Variants in PDE12 observed in about 807,000 individuals in gnomAD.
PDE12 encodes phosphodiesterase 12, also known as 2',5'-phosphodiesterase 12.
In PDE12, 26 loss-of-function variants were observed where a neutral mutation model predicts 45.4. The observed-to-expected ratio is 0.57, with a 90% CI of 0.42 to 0.79. PDE12 has a LOEUF of 0.79. PDE12 is among the 30% of genes least tolerant of loss of function. The pLI is 0.00. For synonymous variants in PDE12, 283 were observed against 323.9 expected, an observed-to-expected ratio of 0.87 and a Z score of 1.36; for missense variants, 668 against 790.0, an observed-to-expected ratio of 0.85 and a Z score of 1.85.
the PDE12 span, among the ~76,000 whole-genome samples, chr3:57,580,501 A>G: frequency 7.9e-5 from 12 of 152,178 alleles, no homozygotes; most frequent in Non-Finnish European, 1.8e-4. Context: ...TCCTGTGCTC[A>G]GGTGATCCTC....
chr3:57,641,359 T>C, the PDE12 span, among the ~76,000 whole-genome samples: 9 of 145,416 alleles, frequency 6.2e-5, no homozygotes, highest in African/African-American at 2.2e-4. Context: ...ATATATTTAA[T>C]ATATATAAAG....
the PDE12 span, chr3:57,572,142 A>C: frequency 1.6e-6 from 2 of 1,235,990 alleles, no homozygotes; most frequent in East Asian, 4.6e-5. Flanking sequence ...CCAAGATACA[A>C]ACTAATTTTG....
At chr3:57,609,413 CAAAA>C in the PDE12 span, among the ~76,000 whole-genome samples, 1 of 151,726 alleles carries the variant, frequency 6.6e-6, no homozygotes, top group Non-Finnish European at 1.5e-5. Context: ...GATACAGACA[CAAAA>C]AAATCCTTCA....
At chr3:57,632,546 C>T in the PDE12 span, among the ~76,000 whole-genome samples, 1 of 152,152 alleles carries the variant, frequency 6.6e-6, no homozygotes. Flanking sequence ...GAATAAATAA[C>T]TTGACACCCA....
chr3:57,583,485 C>T, the PDE12 span, among the ~76,000 whole-genome samples: 8 of 152,182 alleles, frequency 5.3e-5, no homozygotes, highest in Middle Eastern at 6.8e-3. Flanking sequence ...ATCAATGCAG[C>T]GAACTGACTT....
chr3:57,580,771 A>AT, the PDE12 span, among the ~76,000 whole-genome samples: 1 of 143,072 alleles, frequency 7.0e-6, no homozygotes, highest in African/African-American at 2.5e-5. Flanking sequence ...TCCCATTTTT[A>AT]TTCTTTTTTT....
At chr3:57,590,696 T>G in the PDE12 span, among the ~76,000 whole-genome samples, 1 of 152,174 alleles carries the variant, frequency 6.6e-6, no homozygotes, top group Non-Finnish European at 1.5e-5. Context: ...ATTTGTTTTT[T>G]GAGACAGGGT....
the PDE12 span, among the ~76,000 whole-genome samples, chr3:57,608,459 C>A: frequency 6.6e-6 from 1 of 151,976 alleles, no homozygotes; most frequent in Non-Finnish European, 1.5e-5. Context: ...GATAAAGAGT[C>A]AAGACCCATC....
the PDE12 span, among the ~76,000 whole-genome samples, chr3:57,593,356 T>TA: frequency 6.6e-6 from 1 of 152,118 alleles, no homozygotes; most frequent in Non-Finnish European, 1.5e-5. Context: ...AGGAAAAACA[T>TA]AAAAAAATTA....
the PDE12 span, among the ~76,000 whole-genome samples, chr3:57,653,588 T>TA: frequency 1.2e-4 from 18 of 151,246 alleles, no homozygotes; most frequent in Non-Finnish European, 2.4e-4. Context: ...CTACTAAAAA[T>TA]AAAAAAAATT....
At chr3:57,625,815 TGAA>T in the PDE12 span, 2 of 152,618 alleles carry the variant, frequency 1.3e-5, no homozygotes, top group Admixed American at 6.5e-5. Context: ...ACAGTAAAAA[TGAA>T]GACACCATTA....
the PDE12 span, chr3:57,628,174 T>G: frequency 6.3e-7 from 1 of 1,596,054 alleles, no homozygotes; most frequent in Non-Finnish European, 8.5e-7. Context: ...GTATGCTTCA[T>G]GATGCATAAT....
Position 57,559,323 on chromosome 3 carries a change from A to G in PDE12, c.1322A>G (p.Gln441Arg). ...RSSVLQVSVLQSTKDSSKRIC... is the reference protein window; with the variant it reads ...RSSVLQVSVLRSTKDSSKRIC... ...CGTTTATTTTAGGTTTCAGTTCTTCAGTCTACAAAGGACTCTTCTAAAAGG... is the reference window on the plus strand; with the variant it reads ...CGTTTATTTTAGGTTTCAGTTCTTCGGTCTACAAAGGACTCTTCTAAAAGG... The change falls in exon 2 of 3, where the codon CAG becomes CGG. Residue 441 changes from glutamine to arginine, a missense_variant. This residue lies in a region of PDE12 where 580 missense variants were observed against 662.9 expected (regional missense o/e 0.87). Transcript: ENST00000311180. 6.2e-7 allele frequency: 1 copy of G among 1,609,314 alleles called. No homozygotes were observed. Among genetic ancestry groups the G allele is most frequent in the Non-Finnish European group, 8.5e-7 (1 of 1,177,112 alleles).
At chr3:57,644,480 A>T in the PDE12 span, among the ~76,000 whole-genome samples, 2 of 149,678 alleles carry the variant, frequency 1.3e-5, no homozygotes, top group Non-Finnish European at 3.0e-5. Context: ...TAATTTTTGT[A>T]TTTTTTTTGT....
At chr3:57,577,518 G>C in the PDE12 span, 1 of 682,514 alleles carries the variant, frequency 1.5e-6, no homozygotes, top group South Asian at 1.9e-5. Context: ...AAGAACTTAA[G>C]GCTGTAATGC....
downstream of PDE12, among the ~76,000 whole-genome samples, chr3:57,570,336 C>T (rs1352722167): frequency 1.4e-5 from 2 of 147,950 alleles, no homozygotes. Context: ...CTCAGCCTCT[C>T]AAGTAGCTGG....
the PDE12 span, among the ~76,000 whole-genome samples, chr3:57,576,970 A>G: frequency 6.6e-6 from 1 of 151,408 alleles, no homozygotes; most frequent in Non-Finnish European, 1.5e-5. Flanking sequence ...AGCACTATAG[A>G]TTTGATATCT....
the PDE12 span, among the ~76,000 whole-genome samples, chr3:57,608,939 T>A: frequency 3.6e-4 from 55 of 152,322 alleles, 2 homozygotes; most frequent in South Asian, 7.1e-3. Context: ...ATATACATTC[T>A]TCTCAGCACA....
At chr3:57,622,665 A>G in the PDE12 span, among the ~76,000 whole-genome samples, 51 of 152,308 alleles carry the variant, frequency 3.3e-4, no homozygotes, top group African/African-American at 1.2e-3. Flanking sequence ...GTAATAGCCA[A>G]AAACTAGAAA....
Sources: allele counts gnomAD v4.1 joint callset (sites outside exome capture counted in the v4.1 genomes callset), GRCh38; gene constraint gnomAD v4.1.1; regional missense constraint gnomAD v4.1.1; transcripts MANE v1.5; gene names NCBI Gene and HGNC (gene_info 2026-07-23, HGNC 2026-07-21).